Variants in GXYLT1 observed in about 807,000 individuals in gnomAD.
The protein encoded by GXYLT1 is glycosyltransferase 8 domain containing 3.
Under a neutral mutation model 54.0 loss-of-function variants are expected in GXYLT1, and 29 were observed. The ratio of observed to expected loss-of-function variants is 0.54; its 90% CI spans 0.40 to 0.73. The LOEUF is 0.73. Among genes scored for constraint, GXYLT1 ranks in the 30% least tolerant of loss-of-function variants. The probability of loss-of-function intolerance (pLI) is 0.00; values close to 1 mark genes in which losing one functional copy is unlikely to be tolerated. For synonymous variants in GXYLT1, 176 were observed against 204.1 expected, an observed-to-expected ratio of 0.86 and a Z score of 1.17; for missense variants, 490 against 553.4, an observed-to-expected ratio of 0.89 and a Z score of 1.15.
chr12:42,118,737 G>A (rs1211339716), intron 3 of GXYLT1, among the ~76,000 whole-genome samples: 3 of 152,144 alleles, frequency 2.0e-5, no homozygotes, highest in Non-Finnish European at 4.4e-5. Context: ...TGGTTTAAAA[G>A]TGTGGTCTTC....
At position 42,106,006 on chromosome 12, in the gene GXYLT1, C is replaced by T; in HGVS notation, c.676G>A (p.Val226Ile). Residue 226 changes from valine to isoleucine, a missense_variant, in exon 5 of 8, where the codon GTT (valine) becomes ATT (isoleucine). Physicochemically the swap from Val to Ile is conservative, Grantham distance 29. Around this residue, in one of 2 missense-constraint regions of GXYLT1, gnomAD observed 342 missense variants for 342.6 expected, o/e 1.00. Coordinates refer to ENST00000398675, the MANE Select transcript of GXYLT1 (RefSeq NM_173601.2). ...VDTDILFLRPVDDIWSLLKKF... is the reference protein window; with the variant it reads ...VDTDILFLRPIDDIWSLLKKF... ...TTTAGTAAAGACCAAATATCATCAA[C>T]TGGTCGTAAAAAAAGGATATCAGTG... 2 of 1,612,310 alleles carry T rather than the reference C, an allele frequency of 1.2e-6. No individual in the cohort carries two copies. The highest frequency in any genetic ancestry group is 1.7e-6 in the Non-Finnish European group (2 of 1,178,536).
intron 7 of GXYLT1, among the ~76,000 whole-genome samples, chr12:42,089,928 A>C (rs1173492860): frequency 7.2e-5 from 11 of 152,248 alleles, no homozygotes; most frequent in Admixed American, 5.9e-4. Flanking sequence ...TGAGTGGCAG[A>C]AAATTATGGG....
At chr12:42,088,724 A>C (rs1219620498) in intron 7 of GXYLT1, among the ~76,000 whole-genome samples, 1 of 152,116 alleles carries the variant, frequency 6.6e-6, no homozygotes, top group East Asian at 1.9e-4. Context: ...ATTTTCAACT[A>C]GGTGTATTTT....
rs572109272 is a variant in GXYLT1 at position 42,142,928 on chromosome 12, G to A, written c.221+1498C>T. Among the ~76,000 whole-genome samples the A allele has an allele frequency of 9.9e-4, 151 of 152,156 alleles. 2 individuals carry two copies. Among genetic ancestry groups the A allele is most frequent in the African/African-American group, 3.5e-3 (145 of 41,502 alleles). ...AAAATAAAGAGTAATGCTACTCAAA[G>A]GACCTAAAAAAGTACAGTATTTCGG... On this transcript the variant is annotated intron_variant, in intron 1 of 7. Coordinates refer to ENST00000398675, the MANE Select transcript of GXYLT1 (RefSeq NM_173601.2).
At chr12:42,098,760 CAT>C (rs60199719) in intron 5 of GXYLT1, among the ~76,000 whole-genome samples, 27,120 of 96,898 alleles carry the variant, frequency 0.28, 4,199 homozygotes, top group Admixed American at 0.38. Context: ...AAATTTAAAA[CAT>C]ATATATATAT....
In GXYLT1 at chr12:42,099,584, G is replaced by A. The variant is rs1489113698; in HGVS notation, c.865-1551C>T. The stretch of plus-strand genomic sequence containing the variant: ...TAATAGTTATGATGTCAGGCACAGC[G>A]ACTCACGCCTGTAATCCCGGCACTT... On this transcript the variant is annotated intron_variant, in intron 5 of 7. Transcript: ENST00000398675. Among the ~76,000 whole-genome samples, 10 of 152,172 alleles carry A rather than the reference G, an allele frequency of 6.6e-5. 1 individual carries two copies. In the South Asian group the frequency reaches 1.2e-3, roughly 19 times the overall value.
chr12:42,097,535 T>C lies in GXYLT1; in HGVS notation c.1068A>G (p.Glu356=). The C allele has an allele frequency of 1.9e-6, 3 of 1,612,484 alleles. No individual in the cohort carries two copies. The highest frequency in any genetic ancestry group is 2.5e-6 in the Non-Finnish European group (3 of 1,179,380). Residue 356 remains glutamate, a synonymous_variant, in exon 7 of 8, where the codon GAA becomes GAG. Transcript: ENST00000398675. ...CATGAAGAATAAAGATTCCTCCTTC[T>C]TCTGCTTCTTGGCAATTGCTTCCAT... The part of the protein sequence containing the change: ...CIYGSNCQEA[E]EGGIFILHGN...
At chr12:42,106,748 T>C (rs59317114) in intron 4 of GXYLT1, among the ~76,000 whole-genome samples, 4,596 of 145,144 alleles carry the variant, frequency 0.032, 202 homozygotes, top group East Asian at 0.12. Flanking sequence ...TTTTTCTTTT[T>C]TTTTTTTTTT....
At chr12:42,106,851 T>TTC (rs1229556780) in intron 4 of GXYLT1, among the ~76,000 whole-genome samples, 5 of 150,806 alleles carry the variant, frequency 3.3e-5, no homozygotes. Flanking sequence ...GTTCTAGGCA[T>TTC]TCTCCTGCCT....
chr12:42,128,581 G>C (rs748293904), intron 2 of GXYLT1, among the ~76,000 whole-genome samples: 7 of 152,162 alleles, frequency 4.6e-5, no homozygotes, highest in Non-Finnish European at 8.8e-5. Flanking sequence ...GTTTACTAGT[G>C]TGAAACTCCC....
At position 42,133,807 on chromosome 12, in the gene GXYLT1, A is replaced by T. The variant is rs191786669; in HGVS notation, c.222-3956T>A. 3.1e-3 allele frequency among the ~76,000 whole-genome samples: 474 copies of T among 152,292 alleles called. 3 individuals are homozygous for T. The highest frequency in any genetic ancestry group is 5.7e-3 in the Non-Finnish European group (390 of 68,018). ...GTCTAGTGGGGAGTAACAGAATGTC[A>T]TTTCAGATACTGCAAGGTGAGAGAC... On this transcript the variant is annotated intron_variant, in intron 1 of 7. Coordinates refer to ENST00000398675, the MANE Select transcript of GXYLT1 (RefSeq NM_173601.2).
At chr12:42,097,190 T>C (rs1592103179) in intron 7 of GXYLT1, among the ~76,000 whole-genome samples, 1 of 152,018 alleles carries the variant, frequency 6.6e-6, no homozygotes, top group Admixed American at 6.6e-5. Flanking sequence ...ACTGAAGTTT[T>C]TAGGGGTAAA....
intron 1 of GXYLT1, among the ~76,000 whole-genome samples, chr12:42,142,262 G>A (rs67420641): frequency 0.17 from 26,270 of 151,880 alleles, 2,292 homozygotes; most frequent in African/African-American, 0.18. Context: ...ATTTGCTTTG[G>A]ATCTTGGCCA....
In GXYLT1 at chr12:42,109,695, A is replaced by C; in HGVS notation, c.487-4T>G. 6.8e-7 allele frequency: 1 copy of C among 1,472,182 alleles called. No homozygotes were observed. The highest frequency in any genetic ancestry group is 9.3e-7 in the Non-Finnish European group (1 of 1,077,544). The allele number at this position is 1,472,182 out of a possible 1,614,324, so 91.2% of individuals were successfully genotyped here. ...GTAGAAATGACCAGTTGTCAAGCTA[A>C]AACAATTTAAAAAAAAACTGTTTAG... On this transcript the variant is annotated splice_polypyrimidine_tract_variant and splice_region_variant and intron_variant, in intron 3 of 7. Transcript: ENST00000398675.
chr12:42,130,742 G>C (rs571996428), intron 1 of GXYLT1, among the ~76,000 whole-genome samples: 1 of 152,178 alleles, frequency 6.6e-6, no homozygotes, highest in African/African-American at 2.4e-5. Flanking sequence ...CTTGAGGCTA[G>C]GAGTTCAAGA....
chr12:42,115,530 A>G (rs559925788), intron 3 of GXYLT1, among the ~76,000 whole-genome samples: 50 of 152,216 alleles, frequency 3.3e-4, no homozygotes, highest in Non-Finnish European at 5.9e-4. Context: ...CTCATTCACA[A>G]TTGCTTCAAA....
chr12:42,112,333 C>A (rs534104061), intron 3 of GXYLT1, among the ~76,000 whole-genome samples: 1 of 152,194 alleles, frequency 6.6e-6, no homozygotes, highest in South Asian at 2.1e-4. Flanking sequence ...TTCAGAAGAT[C>A]AAACTACTCC....
intron 3 of GXYLT1, among the ~76,000 whole-genome samples, chr12:42,112,783 A>C (rs2065466857): frequency 6.6e-6 from 1 of 150,382 alleles, no homozygotes; most frequent in Admixed American, 6.6e-5. Flanking sequence ...TTCAGGAAAT[A>C]CAGAGAACGC....
intron 3 of GXYLT1, among the ~76,000 whole-genome samples, chr12:42,114,633 A>C (rs2065481588): frequency 6.6e-6 from 1 of 152,224 alleles, no homozygotes; most frequent in Admixed American, 6.5e-5. Context: ...TTGAGGCAAT[A>C]ATCAATAGCT....
Sources: gnomAD v4.1 joint callset for allele counts (sites outside exome capture counted in the v4.1 genomes callset) on GRCh38, gnomAD v4.1.1 for gene constraint, gnomAD v4.1.1 regional missense constraint, MANE v1.5 for transcripts, NCBI Gene and HGNC (gene_info 2026-07-23, HGNC 2026-07-21) for gene names.